LHPP: variants seen among roughly 807,000 people sequenced by gnomAD.
LHPP encodes hLHPP.
LHPP carries 24 observed loss-of-function variants against 30.3 expected under a neutral mutation model. The ratio of observed to expected loss-of-function variants is 0.79; its 90% CI spans 0.57 to 1.11. The LOEUF (loss-of-function observed/expected upper bound fraction) is 1.11. LHPP is among the 50% of genes most tolerant of loss of function. The probability of loss-of-function intolerance (pLI) is 0.00; values close to 1 mark genes in which losing one functional copy is unlikely to be tolerated. For missense variants in LHPP, 356 were observed against 367.2 expected, an observed-to-expected ratio of 0.97 and a Z score of 0.25; for synonymous variants, 150 against 157.1, an observed-to-expected ratio of 0.95 and a Z score of 0.34.
intron 6 of LHPP, among the ~76,000 whole-genome samples, chr10:124,601,118 G>T (rs964097874): frequency 3.9e-5 from 6 of 152,144 alleles, no homozygotes; most frequent in Admixed American, 6.5e-5. Context: ...AAAGCTTTAG[G>T]GCAGGGCAGC....
At chr10:124,464,024 G>T (rs2133804290) in intron 1 of LHPP, among the ~76,000 whole-genome samples, 1 of 152,026 alleles carries the variant, frequency 6.6e-6, no homozygotes, top group East Asian at 1.9e-4. Flanking sequence ...TTGCCATGTT[G>T]CCCAGGCCGG....
rs1953730254 is a variant in LHPP, at chr10:124,496,898, C to T, written c.468-63C>T. 2 of 1,478,672 alleles carry T rather than the reference C, an allele frequency of 1.4e-6. No individual in the cohort carries two copies. The highest frequency in any genetic ancestry group is 1.9e-6 in the Non-Finnish European group (2 of 1,066,594). The allele number at this position is 1,478,672 out of a possible 1,614,324, so 91.6% of individuals were successfully genotyped here. On this transcript the variant is annotated intron_variant, in intron 3 of 6. Transcript: ENST00000368842. This position sits in a 1 kb window ranked among gnomAD's most constrained non-coding sequence, Gnocchi z 4.3. ...CAGGCCCGGTGCTCAGCTCCCGATA[C>T]TTAGCATCCTGCGGTCAGCTCCCCG... is the stretch of plus-strand genomic sequence containing the variant.
chr10:124,550,579 G>T (rs77398886), intron 6 of LHPP, among the ~76,000 whole-genome samples: 1 of 152,190 alleles, frequency 6.6e-6, no homozygotes, highest in Non-Finnish European at 1.5e-5. Flanking sequence ...GGGCAGAGGC[G>T]CAGTGTGTTT....
At chr10:124,529,038 T>C (rs1007604933) in intron 6 of LHPP, among the ~76,000 whole-genome samples, 8 of 145,294 alleles carry the variant, frequency 5.5e-5, no homozygotes, top group Admixed American at 1.4e-4. Context: ...TTTTTTTTTT[T>C]TTTTTTTTTT....
At chr10:124,558,763 A>G (rs1008060169) in intron 6 of LHPP, among the ~76,000 whole-genome samples, 1 of 152,206 alleles carries the variant, frequency 6.6e-6, no homozygotes, top group Non-Finnish European at 1.5e-5. Context: ...TCCCAGTGTC[A>G]AGCTTAGTAG....
intron 6 of LHPP, among the ~76,000 whole-genome samples, chr10:124,577,095 T>A (rs941259818): frequency 6.6e-5 from 10 of 152,350 alleles, no homozygotes; most frequent in African/African-American, 2.2e-4. Flanking sequence ...TCATCCTCAT[T>A]TCAGAGCTAG....
chr10:124,484,670 CAGAGAGAGAGAGAGAG>C (rs5788664), intron 2 of LHPP, among the ~76,000 whole-genome samples: 1 of 144,166 alleles, frequency 6.9e-6, no homozygotes, highest in Non-Finnish European at 1.5e-5. Context: ...GAGAAAGAGA[CAGAGAGAGAGAGAGAG>C]AGAGAGAGAG....
chr10:124,550,256 G>T (rs1955448676), intron 6 of LHPP, among the ~76,000 whole-genome samples: 1 of 152,246 alleles, frequency 6.6e-6, no homozygotes, highest in South Asian at 2.1e-4. Flanking sequence ...TATGGCCTCT[G>T]CCCCCAGGCA....
chr10:124,546,821 G>C (rs34997829), intron 6 of LHPP, among the ~76,000 whole-genome samples: 35,356 of 152,104 alleles, frequency 0.23, 4,584 homozygotes, highest in African/African-American at 0.34. Context: ...TTTGTCCACA[G>C]GCGTACTTAC....
At position 124,520,744 on chromosome 10, in the gene LHPP, A is replaced by G. The variant is rs369555924; in HGVS notation, c.716+3473A>G. On this transcript the variant is annotated intron_variant, in intron 6 of 6. Transcript: ENST00000368842. Reference sequence around the variant, plus strand: ...CAGTTAAAGGGATGGGAGGTCTCCCAGCCATTGGTGACTCTCTGGAGCTGC... The same window carrying G: ...CAGTTAAAGGGATGGGAGGTCTCCCGGCCATTGGTGACTCTCTGGAGCTGC... Among the ~76,000 whole-genome samples the G allele has an allele frequency of 1.1e-4, 16 of 152,330 alleles. No homozygotes were observed. In the East Asian group the frequency reaches 3.1e-3, roughly 29 times the overall value.
intron 1 of LHPP, among the ~76,000 whole-genome samples, chr10:124,465,901 T>TGA (rs1952540624): frequency 6.6e-6 from 1 of 152,216 alleles, no homozygotes; most frequent in Non-Finnish European, 1.5e-5. Flanking sequence ...GCTGCCCTGT[T>TGA]TCATCAATTT....
At chr10:124,534,422 G>A (rs905332610) in intron 6 of LHPP, among the ~76,000 whole-genome samples, 8 of 152,236 alleles carry the variant, frequency 5.3e-5, no homozygotes, top group African/African-American at 1.4e-4. Flanking sequence ...GTCGGAGGCC[G>A]AGGACGGCTT....
chr10:124,587,723 C>T (rs1346478351), intron 6 of LHPP, among the ~76,000 whole-genome samples: 1 of 116,490 alleles, frequency 8.6e-6, no homozygotes, highest in Non-Finnish European at 1.6e-5. Flanking sequence ...CTGGGAGACA[C>T]AGCCAGACTC....
intron 1 of LHPP, among the ~76,000 whole-genome samples, chr10:124,474,029 T>C (rs1008280422): frequency 6.6e-6 from 1 of 151,496 alleles, no homozygotes; most frequent in Non-Finnish European, 1.5e-5. Context: ...CCTTAAACTA[T>C]CAGGAGATAA....
chr10:124,561,280 C>T (rs1275677179), intron 6 of LHPP, among the ~76,000 whole-genome samples: 3 of 152,180 alleles, frequency 2.0e-5, no homozygotes, highest in Non-Finnish European at 4.4e-5. Flanking sequence ...AGCAGGGATC[C>T]TGGACCAAAA....
At position 124,475,410 on chromosome 10, in the gene LHPP, G is replaced by A. The variant is rs1174010300; in HGVS notation, c.126-8729G>A. Among the ~76,000 whole-genome samples, 4 of 151,278 alleles carry A rather than the reference G, an allele frequency of 2.6e-5. No individual in the cohort carries two copies. The South Asian group carries it at 6.3e-4, about 24-fold the overall frequency. ...CAAAAAATAAGCTGGGCATAGTGGC[G>A]GGTGCCTGTAATCCCAGCTACTTGG... is the stretch of plus-strand genomic sequence containing the variant. On this transcript the variant is annotated intron_variant, in intron 1 of 6. Coordinates refer to ENST00000368842, the MANE Select transcript of LHPP (RefSeq NM_022126.4).
At chr10:124,530,536 A>G (rs1490841172) in intron 6 of LHPP, among the ~76,000 whole-genome samples, 1 of 151,762 alleles carries the variant, frequency 6.6e-6, no homozygotes, top group African/African-American at 2.4e-5. Flanking sequence ...ATGCACACAC[A>G]CACACACACA....
chr10:124,562,513 A>G (rs1051193618), intron 6 of LHPP, among the ~76,000 whole-genome samples: 1 of 152,234 alleles, frequency 6.6e-6, no homozygotes, highest in East Asian at 1.9e-4. Flanking sequence ...TAGACTGAAA[A>G]GAATGAACAG....
intron 1 of LHPP, among the ~76,000 whole-genome samples, chr10:124,474,088 G>T (rs1400204905): frequency 3.0e-5 from 4 of 134,508 alleles, no homozygotes; most frequent in Non-Finnish European, 6.4e-5. Context: ...GGAGCATTTT[G>T]TTGTTGAAGG....
Sources: gnomAD v4.1 joint callset for allele counts (sites outside exome capture counted in the v4.1 genomes callset) on GRCh38, gnomAD v4.1.1 for gene constraint, Gnocchi (gnomAD v3.1) non-coding constraint, MANE v1.5 for transcripts, NCBI Gene and HGNC (gene_info 2026-07-23, HGNC 2026-07-21) for gene names.